Variants in DSCAM observed in about 807,000 individuals in gnomAD.
DSCAM encodes the protein DS cell adhesion molecule, also known as cell adhesion molecule DSCAM.
DSCAM carries 47 observed loss-of-function variants against 217.7 expected under a neutral mutation model. That is an observed-to-expected ratio of 0.22 (90% CI 0.17 to 0.28). The LOEUF (loss-of-function observed/expected upper bound fraction) is 0.28, where lower values mean the gene tolerates loss of function less well. Ranked by LOEUF, DSCAM falls within the 10% of genes least tolerant of loss-of-function variation. DSCAM has a pLI of 1.00. For missense variants in DSCAM, 2,080 were observed against 2,618.3 expected, an observed-to-expected ratio of 0.79 and a Z score of 4.49; for synonymous variants, 1,056 against 1,015.3, an observed-to-expected ratio of 1.04 and a Z score of -0.76.
At chr21:40,158,240 T>G (rs2090501537) in intron 16 of DSCAM, among the ~76,000 whole-genome samples, 1 of 151,758 alleles carries the variant, frequency 6.6e-6, no homozygotes, top group Non-Finnish European at 1.5e-5. Flanking sequence ...AAAAGTTAAC[T>G]GGGCATGGTG....
At chr21:40,235,341 A>C (rs1289230186) in intron 11 of DSCAM, among the ~76,000 whole-genome samples, 1 of 152,186 alleles carries the variant, frequency 6.6e-6, no homozygotes. Flanking sequence ...ATGAAGTAGG[A>C]AAACACAAGA....
intron 1 of DSCAM, among the ~76,000 whole-genome samples, chr21:40,726,364 A>C (rs753434357): frequency 6.6e-6 from 1 of 152,208 alleles, no homozygotes; most frequent in Non-Finnish European, 1.5e-5. Flanking sequence ...TAAATCATAA[A>C]TATTGATCTA....
In DSCAM at chr21:40,454,199, G is replaced by C. The variant is rs956055890; in HGVS notation, c.509-84954C>G. Among the ~76,000 whole-genome samples, 4 of 152,160 alleles carry C rather than the reference G, an allele frequency of 2.6e-5. No homozygotes were observed. The South Asian group carries it at 8.3e-4, about 32-fold the overall frequency. On this transcript the variant is annotated intron_variant, in intron 3 of 32. Coordinates refer to ENST00000400454, the MANE Select transcript of DSCAM (RefSeq NM_001389.5). ...GTCTAAACTCTCACCATGTTCAGGG[G>C]ACTGTTCAGGTTTCATTCCCAGTTA...
chr21:40,475,391 G>A (rs1304258677), intron 3 of DSCAM, among the ~76,000 whole-genome samples: 1 of 152,212 alleles, frequency 6.6e-6, no homozygotes, highest in Non-Finnish European at 1.5e-5. Context: ...TGGCAGGGAG[G>A]CTTCTCCTAG....
intron 3 of DSCAM, among the ~76,000 whole-genome samples, chr21:40,373,695 A>T (rs1266337402): frequency 6.6e-6 from 1 of 152,184 alleles, no homozygotes; most frequent in Non-Finnish European, 1.5e-5. Context: ...TCTTGTTCTT[A>T]TGAAGAATCA....
intron 1 of DSCAM, among the ~76,000 whole-genome samples, chr21:40,765,750 G>T (rs953926748): frequency 6.6e-6 from 1 of 152,194 alleles, no homozygotes; most frequent in African/African-American, 2.4e-5. Context: ...CCAACAGAAT[G>T]GTTGTTTAAT....
In DSCAM at chr21:40,580,016, C is replaced by T. The variant is rs55719351; in HGVS notation, c.508+112794G>A. Reference sequence around the variant, plus strand: ...ACGGATCTTCACTTCAGATCATCCACCAGAACCAATGGTGAATAACAGATT... The same window carrying T: ...ACGGATCTTCACTTCAGATCATCCATCAGAACCAATGGTGAATAACAGATT... On this transcript the variant is annotated intron_variant, in intron 3 of 32. Transcript: ENST00000400454. Among the ~76,000 whole-genome samples the T allele has an allele frequency of 8.2e-4, 124 of 151,978 alleles. 1 individual carries two copies. Among genetic ancestry groups the T allele is most frequent in the African/African-American group, 2.9e-3 (120 of 41,454 alleles).
chr21:40,418,323 C>T (rs1038925237), intron 3 of DSCAM, among the ~76,000 whole-genome samples: 1 of 151,864 alleles, frequency 6.6e-6, no homozygotes, highest in Non-Finnish European at 1.5e-5. Context: ...GGTATCTGAG[C>T]AAAAAATCTT....
intron 13 of DSCAM, 107 bp downstream of exon 13, chr21:40,187,784 A>C: frequency 2.0e-6 from 2 of 987,706 alleles, no homozygotes; most frequent in Non-Finnish European, 3.2e-6. Flanking sequence ...CCTGGGAATT[A>C]GGAAGTGTTA....
At chr21:40,518,090 C>A (rs968194233) in intron 3 of DSCAM, among the ~76,000 whole-genome samples, 4 of 151,504 alleles carry the variant, frequency 2.6e-5, no homozygotes, top group South Asian at 2.1e-4. Context: ...AAGGAGGGCA[C>A]ATAGAACCTC....
At chr21:40,384,817 T>G (rs2075066609) in intron 3 of DSCAM, 1 of 152,234 alleles carries the variant, frequency 6.6e-6, no homozygotes, top group African/African-American at 2.4e-5. Flanking sequence ...TGTCCTTCTC[T>G]GTCCCTCCTC....
At chr21:40,037,170 A>T (rs62235615) in intron 32 of DSCAM, among the ~76,000 whole-genome samples, 23,467 of 147,400 alleles carry the variant, frequency 0.16, 2,119 homozygotes, top group Middle Eastern at 0.22. Context: ...GGCCAGGGCA[A>T]TTAGGCAGGA....
rs553182035 is a variant in DSCAM, at chr21:40,814,660, G to A, written c.43+31959C>T. On this transcript the variant is annotated intron_variant, in intron 1 of 32. Coordinates refer to ENST00000400454, the MANE Select transcript of DSCAM (RefSeq NM_001389.5). ...TAATCATGAAGAAGAGCGGGAAAAG[G>A]ATATAATGGAAAACGAAGATGAGAC... 4.6e-5 allele frequency among the ~76,000 whole-genome samples: 7 copies of A among 152,316 alleles called. No individual in the cohort carries two copies. The South Asian group carries it at 1.2e-3, about 27-fold the overall frequency.
At chr21:40,463,201 C>T (rs1007257749) in intron 3 of DSCAM, among the ~76,000 whole-genome samples, 3 of 151,962 alleles carry the variant, frequency 2.0e-5, no homozygotes, top group African/African-American at 7.3e-5. Context: ...TATTGCACAC[C>T]TACTAGATAA....
chr21:40,044,207 G>A lies in DSCAM; in HGVS notation c.5254C>T (p.Leu1752Phe). The change falls in exon 31 of 33, where the codon CTC becomes TTC. Residue 1752 changes from leucine (L) to phenylalanine (F), a missense_variant. This residue lies in a region of DSCAM where 1,144 missense variants were observed against 1,421.1 expected (regional missense o/e 0.81). Transcript: ENST00000400454. ...ARNRYASQWT[L>F]NRPHPTISAH... is the part of the protein sequence containing the mutation. ...GAGATGGTGGGGTGGGGTCGGTTGAGGGTCCACTGGCTGGCATAGCGGTTT... is the reference window on the plus strand; with the variant it reads ...GAGATGGTGGGGTGGGGTCGGTTGAAGGTCCACTGGCTGGCATAGCGGTTT... 1 of 1,614,192 alleles carries A rather than the reference G, an allele frequency of 6.2e-7. No homozygotes were observed. The highest frequency in any genetic ancestry group is 1.3e-5 in the African/African-American group (1 of 75,060).
At chr21:40,129,612 C>T (rs1350983841) in intron 19 of DSCAM, among the ~76,000 whole-genome samples, 4 of 152,188 alleles carry the variant, frequency 2.6e-5, no homozygotes, top group Non-Finnish European at 5.9e-5. Context: ...AGAATCTCTT[C>T]TAGGACATCT....
chr21:40,128,522 T>C (rs931427819), intron 19 of DSCAM, among the ~76,000 whole-genome samples: 1 of 151,910 alleles, frequency 6.6e-6, no homozygotes, highest in Non-Finnish European at 1.5e-5. Context: ...CTGGGTTTAA[T>C]CAGATGCGCC....
intron 6 of DSCAM, among the ~76,000 whole-genome samples, chr21:40,342,641 TA>T (rs1183180453): frequency 7.9e-4 from 82 of 103,830 alleles, no homozygotes; most frequent in African/African-American, 2.9e-3. Context: ...TATATATATA[TA>T]TATATATTTT....
intron 26 of DSCAM, among the ~76,000 whole-genome samples, chr21:40,078,463 T>C (rs75667921): frequency 0.07 from 10,613 of 152,178 alleles, 441 homozygotes; most frequent in East Asian, 0.13. Context: ...CCAGTGAGAC[T>C]CCCTATGGCC....
Sources: gnomAD v4.1 joint callset for allele counts (sites outside exome capture counted in the v4.1 genomes callset) on GRCh38, gnomAD v4.1.1 for gene constraint, gnomAD v4.1.1 regional missense constraint, MANE v1.5 for transcripts, NCBI Gene and HGNC (gene_info 2026-07-23, HGNC 2026-07-21) for gene names.